TMEM181: variants seen among roughly 807,000 people sequenced by gnomAD.
TMEM181 encodes G protein-coupled receptor 178.
Under a neutral mutation model 71.9 loss-of-function variants are expected in TMEM181, and 39 were observed. The ratio of observed to expected loss-of-function variants is 0.54; its 90% CI spans 0.42 to 0.71. TMEM181 has a LOEUF of 0.71. Among genes scored for constraint, TMEM181 ranks in the 30% least tolerant of loss-of-function variants. TMEM181 has a pLI of 0.00. For missense variants in TMEM181, 595 were observed against 583.0 expected, an observed-to-expected ratio of 1.02 and a Z score of -0.21; for synonymous variants, 245 against 228.8, an observed-to-expected ratio of 1.07 and a Z score of -0.64.
intron 1 of TMEM181, among the ~76,000 whole-genome samples, chr6:158,563,905 C>T (rs1782335036): frequency 6.6e-6 from 1 of 152,160 alleles, no homozygotes; most frequent in Non-Finnish European, 1.5e-5. Context: ...CCTCAGCCTC[C>T]CAAGAAGCTG....
chr6:158,571,851 C>A (rs954512886), intron 1 of TMEM181, among the ~76,000 whole-genome samples: 1 of 152,200 alleles, frequency 6.6e-6, no homozygotes, highest in African/African-American at 2.4e-5. Context: ...ACCTCACTTT[C>A]CCCACCTGTG....
chr6:158,536,640 A>G (rs1050004476), exon 1 of TMEM181: 2 of 1,458,856 alleles, frequency 1.4e-6, no homozygotes, highest in Non-Finnish European at 9.1e-7. Context: ...CCAGCGCGCC[A>G]GCAGCCCGAT....
intron 13 of TMEM181, among the ~76,000 whole-genome samples, chr6:158,628,038 C>T (rs1562316464): frequency 6.6e-6 from 1 of 152,184 alleles, no homozygotes. Context: ...GGGAGAGGGG[C>T]TCTGTCACAG....
rs758333524 is a variant in TMEM181 at position 158,589,727 on chromosome 6, C to T, written c.437C>T (p.Thr146Ile). Residue 146 changes from threonine to isoleucine, a missense_variant, in exon 6 of 17, where the codon ACA (threonine) becomes ATA (isoleucine). Coordinates refer to ENST00000684151, the MANE Select transcript of TMEM181 (RefSeq NM_001376852.1). ...GGCTACCTGAACTACACTCAGTATA[C>T]AGTGATAGTGGGATTTGAACACCTG... ...HLGYLNYTQY[T>I]VIVGFEHLKL... 3.7e-6 allele frequency: 6 copies of T among 1,613,980 alleles called. No homozygotes were observed. In the Admixed American group the frequency reaches 5.0e-5, roughly 13 times the overall value.
intron 1 of TMEM181, among the ~76,000 whole-genome samples, chr6:158,537,411 G>C (rs1270191250): frequency 6.6e-6 from 1 of 152,224 alleles, no homozygotes; most frequent in African/African-American, 2.4e-5. Context: ...GCGGCGGGGC[G>C]CCATGCGGGG....
chr6:158,559,098 GTATC>G (rs1262401860), upstream of TMEM181, among the ~76,000 whole-genome samples: 2 of 151,926 alleles, frequency 1.3e-5, no homozygotes, highest in Admixed American at 6.6e-5. Context: ...GCTTTGCTTG[GTATC>G]TCCCCCTTTT....
chr6:158,585,368 C>T lies in TMEM181; in HGVS notation c.324C>T (p.Thr108=), dbSNP rs1428465083. 1.2e-6 allele frequency: 2 copies of T among 1,612,412 alleles called. No homozygotes were observed. The highest frequency in any genetic ancestry group is 1.7e-5 in the Admixed American group (1 of 59,416). Residue 108 remains threonine, a synonymous_variant, in exon 5 of 17, where the codon ACC becomes ACT. Transcript: ENST00000684151. ...TCGATGGTGTAGCTCAAGATGGAAC[C>T]ACGATGTACATTCATAACAAAGTTC... ...VKVDGVAQDG[T]TMYIHNKVHN...
rs564301290 is a variant in TMEM181, at chr6:158,627,828, A to G, written c.1110-580A>G. Among the ~76,000 whole-genome samples the G allele has an allele frequency of 2.0e-5, 3 of 152,186 alleles. No individual in the cohort carries two copies. The East Asian group carries it at 5.8e-4, about 29-fold the overall frequency. On this transcript the variant is annotated intron_variant, in intron 13 of 16. Coordinates refer to ENST00000684151, the MANE Select transcript of TMEM181 (RefSeq NM_001376852.1). ...GTTAAGCCTTCTGGCTGAGGGTGGC[A>G]TGTGGGAGGTGAGGTGGAAGGCAGG...
chr6:158,629,452 G>C (rs1454396221), intron 14 of TMEM181, among the ~76,000 whole-genome samples: 1 of 152,092 alleles, frequency 6.6e-6, no homozygotes, highest in African/African-American at 2.4e-5. Flanking sequence ...CTCGGTGCTG[G>C]TGACAGGAGC....
intron 1 of TMEM181, among the ~76,000 whole-genome samples, chr6:158,549,303 A>G (rs1197269086): frequency 6.6e-6 from 1 of 151,662 alleles, no homozygotes; most frequent in Non-Finnish European, 1.5e-5. Flanking sequence ...TTTAGTAGAG[A>G]CGGGGTTTCA....
chr6:158,544,182 AGTGTGTGTGTGTGT>A (rs34605570), intron 1 of TMEM181, among the ~76,000 whole-genome samples: 1 of 127,562 alleles, frequency 7.8e-6, no homozygotes, highest in Non-Finnish European at 1.7e-5. Context: ...AATTGGAGAG[AGTGTGTGTGTGTGT>A]GTGTGTGTGT....
intron 2 of TMEM181, among the ~76,000 whole-genome samples, chr6:158,576,633 G>A (rs1783170860): frequency 6.6e-6 from 1 of 152,074 alleles, no homozygotes; most frequent in Non-Finnish European, 1.5e-5. Context: ...ACCTCAGGCT[G>A]ATCCTTTGCA....
At chr6:158,568,140 AG>A (rs1782615609) in intron 1 of TMEM181, among the ~76,000 whole-genome samples, 3 of 152,162 alleles carry the variant, frequency 2.0e-5, no homozygotes, top group Non-Finnish European at 2.9e-5. Context: ...AAAGTGTGGA[AG>A]GAGCGAGAGA....
intron 1 of TMEM181, among the ~76,000 whole-genome samples, chr6:158,565,127 CCT>C (rs1456845528): frequency 6.6e-6 from 1 of 152,198 alleles, no homozygotes; most frequent in Non-Finnish European, 1.5e-5. Context: ...CATCTCTGTC[CCT>C]CTCGCTGCAG....
At chr6:158,586,167 T>G (rs1266076699) in intron 5 of TMEM181, among the ~76,000 whole-genome samples, 1 of 152,062 alleles carries the variant, frequency 6.6e-6, no homozygotes, top group Non-Finnish European at 1.5e-5. Flanking sequence ...GGGTCCACAG[T>G]GGGGAATGAG....
upstream of TMEM181, among the ~76,000 whole-genome samples, chr6:158,559,017 GTTGCGGT>G (rs1435889265): frequency 6.6e-6 from 1 of 152,202 alleles, no homozygotes. Flanking sequence ...TCCTTGAAGA[GTTGCGGT>G]TTAGGATTCA....
intron 10 of TMEM181, chr6:158,609,748 C>G (rs548081378): frequency 1.7e-4 from 44 of 264,078 alleles, no homozygotes; most frequent in African/African-American, 9.6e-4. Flanking sequence ...GCAAAGTGGC[C>G]AGGGTGTGGG....
chr6:158,586,924 G>C (rs1022233007), intron 5 of TMEM181, among the ~76,000 whole-genome samples: 6 of 152,124 alleles, frequency 3.9e-5, no homozygotes, highest in East Asian at 1.9e-4. Context: ...GCCTGTGTGC[G>C]GGAGGGGTGC....
At chr6:158,559,908 G>A (rs1782050252), upstream of TMEM181, among the ~76,000 whole-genome samples, 1 of 152,194 alleles carries the variant, frequency 6.6e-6, no homozygotes, top group Non-Finnish European at 1.5e-5. Flanking sequence ...CATTCCTTCT[G>A]TCTTGAGCCC....
Sources: gnomAD v4.1 joint callset for allele counts (sites outside exome capture counted in the v4.1 genomes callset) on GRCh38, gnomAD v4.1.1 for gene constraint, MANE v1.5 for transcripts, NCBI Gene and HGNC (gene_info 2026-07-23, HGNC 2026-07-21) for gene names.